The following MAPK8 variants were observed in gnomAD, a reference collection of about 807,000 sequenced individuals.
MAPK8 encodes JUN N-terminal kinase.
A neutral mutation model predicts 52.9 loss-of-function variants in MAPK8; 13 were observed. The ratio of observed to expected loss-of-function variants is 0.25; its 90% CI spans 0.16 to 0.39. MAPK8 has a LOEUF of 0.39. Ranked by LOEUF, MAPK8 falls within the 10% of genes least tolerant of loss-of-function variation. The pLI is 1.00. For missense variants in MAPK8, 300 were observed against 519.2 expected (o/e 0.58, Z 4.10); for synonymous variants, 191 against 169.8 (o/e 1.12, Z -0.97).
At chr10:48,335,437 A>G (rs1408796143) in intron 1 of MAPK8, among the ~76,000 whole-genome samples, 3 of 152,204 alleles carry the variant, frequency 2.0e-5, no homozygotes, top group Non-Finnish European at 4.4e-5. Context: ...ATAATATCAA[A>G]AAATTATTTA....
chr10:48,435,056 G>GCT lies in MAPK8; in HGVS notation c.*27_*28insCT. On this transcript the variant is annotated 3_prime_UTR_variant, in exon 12 of 12. Transcript: ENST00000374189. ...TACTTGGGCCATCGGGGGGTGGGAG[G>GCT]GATGGGGAGTCGGTTAGTCATTGAT... 43 of 1,214,522 alleles carry GCT rather than the reference G, an allele frequency of 3.5e-5. No individual in the cohort carries two copies. Among genetic ancestry groups the GCT allele is most frequent in the African/African-American group, 4.6e-5 (3 of 64,652 alleles). The allele number at this position is 1,214,522 out of a possible 1,614,324, so 75.2% of individuals were successfully genotyped here.
At chr10:48,400,976 ACTT>A (rs2042130705) in intron 1 of MAPK8, among the ~76,000 whole-genome samples, 2 of 152,076 alleles carry the variant, frequency 1.3e-5, no homozygotes, top group African/African-American at 4.8e-5. Flanking sequence ...ATGCCTAACT[ACTT>A]CTCTCTCTCT....
chr10:48,366,936 T>G (rs921522309), intron 1 of MAPK8, among the ~76,000 whole-genome samples: 5 of 152,204 alleles, frequency 3.3e-5, no homozygotes, highest in African/African-American at 9.7e-5. Context: ...AAATGTTATT[T>G]CAATATTGTT....
At chr10:48,394,075 G>A (rs907150825) in intron 1 of MAPK8, among the ~76,000 whole-genome samples, 1 of 151,730 alleles carries the variant, frequency 6.6e-6, no homozygotes, top group South Asian at 2.1e-4. Flanking sequence ...AACTAACAAA[G>A]CCTGTTTAAG....
At chr10:48,412,741 TAAAA>T (rs1432102475) in intron 5 of MAPK8, among the ~76,000 whole-genome samples, 8 of 152,214 alleles carry the variant, frequency 5.3e-5, no homozygotes, top group African/African-American at 1.9e-4. Context: ...AAAGACTAGT[TAAAA>T]TGCTGGAAAT....
intron 1 of MAPK8, among the ~76,000 whole-genome samples, chr10:48,319,736 C>T (rs1842817630): frequency 6.6e-6 from 1 of 152,144 alleles, no homozygotes; most frequent in South Asian, 2.1e-4. Flanking sequence ...AAGTGATCTA[C>T]CCACTTCAGC....
chr10:48,385,713 A>C (rs60303520), intron 1 of MAPK8, among the ~76,000 whole-genome samples: 1 of 152,158 alleles, frequency 6.6e-6, no homozygotes, highest in Non-Finnish European at 1.5e-5. Flanking sequence ...AGATTGATAC[A>C]GGTTCATTAG....
At chr10:48,404,765 T>G in intron 2 of MAPK8, 87 bp from the exon 3 acceptor site, 2 of 1,005,022 alleles carry the variant, frequency 2.0e-6, no homozygotes, top group Non-Finnish European at 2.9e-6. Context: ...TTGGAGAAAG[T>G]GAGAAATGTA....
chr10:48,356,973 A>G (rs1267179061), intron 1 of MAPK8, among the ~76,000 whole-genome samples: 3 of 151,616 alleles, frequency 2.0e-5, no homozygotes, highest in Admixed American at 6.6e-5. Flanking sequence ...TGCAAATACT[A>G]ATATAGGTTT....
At chr10:48,421,182 TAA>T (rs1267024787) in intron 6 of MAPK8, among the ~76,000 whole-genome samples, 16 of 152,336 alleles carry the variant, frequency 1.1e-4, no homozygotes, top group Middle Eastern at 3.4e-3. Flanking sequence ...GAAATTGTAA[TAA>T]GTCAACTTTT....
chr10:48,352,415 A>T lies in MAPK8; in HGVS notation c.-50+45594A>T, dbSNP rs73294820. On this transcript the variant is annotated intron_variant, in intron 1 of 11. Transcript: ENST00000374189. The stretch of plus-strand genomic sequence containing the variant: ...GTATAATCCAACGGTATATAAATAG[A>T]ATTAAACACAATGACCAAGTGGACT... Among the ~76,000 whole-genome samples, 452 of 152,312 alleles carry T rather than the reference A, an allele frequency of 3.0e-3. 4 individuals are homozygous for T. The highest frequency in any genetic ancestry group is 0.011 in the African/African-American group (440 of 41,582).
rs529025073 is a variant in MAPK8 at position 48,400,502 on chromosome 10, C to T, written c.-49-1110C>T. On this transcript the variant is annotated intron_variant, in intron 1 of 11. Transcript: ENST00000374189. ...CTTGCTCCCCCTTTCTCCTGCAGTACAATCTACATGTCGCAGCCAAGGATC... is the reference window on the plus strand; with the variant it reads ...CTTGCTCCCCCTTTCTCCTGCAGTATAATCTACATGTCGCAGCCAAGGATC... 4.1e-4 allele frequency among the ~76,000 whole-genome samples: 62 copies of T among 152,284 alleles called. No individual in the cohort carries two copies. In the South Asian group the frequency reaches 0.012, roughly 31 times the overall value.
Position 48,438,988 on chromosome 10 carries a change from G to A in MAPK8, c.*3959G>A, listed in dbSNP as rs947382294. ...TTGAGAAGCTGTTAATCTTTTAGCT[G>A]AATAATGAAGTTAGACTGAATTACG... On this transcript the variant is annotated 3_prime_UTR_variant, in exon 12 of 12. Transcript: ENST00000374189. 2.0e-5 allele frequency: 3 copies of A among 152,134 alleles called. No individual in the cohort carries two copies. Among genetic ancestry groups the A allele is most frequent in the Non-Finnish European group, 4.4e-5 (3 of 68,026 alleles). The allele number at this position is 152,134 out of a possible 1,614,324, so 9.4% of individuals were successfully genotyped here.
At chr10:48,419,784 G>A (rs900641314) in intron 5 of MAPK8, among the ~76,000 whole-genome samples, 6 of 152,082 alleles carry the variant, frequency 3.9e-5, no homozygotes, top group Non-Finnish European at 7.4e-5. Context: ...AAAAATATTG[G>A]TAATATGTTA....
intron 1 of MAPK8, among the ~76,000 whole-genome samples, chr10:48,358,646 TGC>T (rs1249930251): frequency 6.6e-6 from 1 of 152,226 alleles, no homozygotes; most frequent in African/African-American, 2.4e-5. Flanking sequence ...TTTCTTTTGT[TGC>T]TTGTGCCTTT....
intron 1 of MAPK8, among the ~76,000 whole-genome samples, chr10:48,394,246 A>C (rs2041777505): frequency 6.6e-6 from 1 of 151,970 alleles, no homozygotes; most frequent in Admixed American, 6.5e-5. Flanking sequence ...TTCTGAAAAT[A>C]AGAGGGAACA....
intron 10 of MAPK8, chr10:48,430,953 CAGAAACAGTGAATTACAGGAA>C (rs1199327841): frequency 9.6e-6 from 5 of 521,750 alleles, no homozygotes; most frequent in Non-Finnish European, 1.7e-5. Context: ...AAACCAACTT[CAGAAACAGTGAATTACAGGAA>C]AGATTAGTAC....
At chr10:48,321,507 G>A (rs747996105) in intron 1 of MAPK8, among the ~76,000 whole-genome samples, 11 of 152,158 alleles carry the variant, frequency 7.2e-5, no homozygotes, top group Non-Finnish European at 1.6e-4. Context: ...AGCACAAAAA[G>A]TTTTAATTTC....
intron 1 of MAPK8, among the ~76,000 whole-genome samples, chr10:48,341,325 C>T (rs1845236067): frequency 6.6e-6 from 1 of 152,188 alleles, no homozygotes; most frequent in African/African-American, 2.4e-5. Flanking sequence ...CCAGGACACT[C>T]ATACTTGAAG....
Sources: allele counts gnomAD v4.1 joint callset (sites outside exome capture counted in the v4.1 genomes callset), GRCh38; gene constraint gnomAD v4.1.1; transcripts MANE v1.5; gene names NCBI Gene and HGNC (gene_info 2026-07-23, HGNC 2026-07-21).